NCALD: variants seen among roughly 807,000 people sequenced by gnomAD.
NCALD encodes the protein neurocalcin delta.
In NCALD, 10 loss-of-function variants were observed where a neutral mutation model predicts 18.6. The observed-to-expected ratio is 0.54, with a 90% CI of 0.33 to 0.91. NCALD has a LOEUF of 0.91. NCALD is among the 40% of genes least tolerant of loss of function. NCALD has a pLI of 0.03. For missense variants in NCALD, 184 were observed against 247.6 expected (o/e 0.74, Z 1.72); for synonymous variants, 88 against 87.4 (o/e 1.01, Z -0.04).
chr8:102,037,052 C>A (rs958866772), intron 1 of NCALD, among the ~76,000 whole-genome samples: 12 of 152,054 alleles, frequency 7.9e-5, no homozygotes, highest in African/African-American at 2.7e-4. Flanking sequence ...ATTGGGAACA[C>A]CTAAATATCA....
chr8:101,988,902 G>GA (rs35196499), intron 2 of NCALD, among the ~76,000 whole-genome samples: 4,746 of 66,046 alleles, frequency 0.072, 386 homozygotes, highest in African/African-American at 0.12. Flanking sequence ...GGTGCCAGCA[G>GA]AAAAAAAAAA....
chr8:101,982,330 C>T (rs1321179564), intron 2 of NCALD, among the ~76,000 whole-genome samples: 1 of 152,100 alleles, frequency 6.6e-6, no homozygotes, highest in African/African-American at 2.4e-5. Flanking sequence ...TGTCATATAC[C>T]AACTCCTTTT....
chr8:101,974,384 C>T (rs1365010158), intron 2 of NCALD, among the ~76,000 whole-genome samples: 2 of 152,048 alleles, frequency 1.3e-5, no homozygotes, highest in Non-Finnish European at 2.9e-5. Context: ...ATTCTCTATC[C>T]CCAGCTAAAA....
chr8:101,833,887 G>A (rs1425453873), intron 4 of NCALD, among the ~76,000 whole-genome samples: 1 of 152,174 alleles, frequency 6.6e-6, no homozygotes, highest in African/African-American at 2.4e-5. Flanking sequence ...GAAAAACAAC[G>A]GCTCCAAATA....
At chr8:101,718,529 A>G (rs1816194162) in intron 2 of NCALD, among the ~76,000 whole-genome samples, 1 of 152,150 alleles carries the variant, frequency 6.6e-6, no homozygotes, top group Non-Finnish European at 1.5e-5. Context: ...CACGAAGACT[A>G]AATGTTCCTC....
intron 1 of NCALD, among the ~76,000 whole-genome samples, chr8:102,059,853 T>C (rs966262086): frequency 2.0e-5 from 3 of 152,196 alleles, no homozygotes; most frequent in Non-Finnish European, 2.9e-5. Flanking sequence ...TTCTCCAACT[T>C]TGCAGGCATC....
At position 101,918,195 on chromosome 8, in the gene NCALD, T is replaced by C. The variant is rs542123992; in HGVS notation, c.-156-2337A>G. 2.0e-5 allele frequency among the ~76,000 whole-genome samples: 3 copies of C among 152,258 alleles called. No individual in the cohort carries two copies. In the East Asian group the frequency reaches 5.8e-4, roughly 29 times the overall value. ...CATTCAACACATGCAAATCAATAAA[T>C]TTGAGTCACCACATAAACACAATTA... On this transcript the variant is annotated intron_variant, in intron 2 of 6. Transcript: ENST00000311028.
chr8:102,028,850 G>C (rs1415068414), intron 1 of NCALD, among the ~76,000 whole-genome samples: 1 of 152,172 alleles, frequency 6.6e-6, no homozygotes, highest in Non-Finnish European at 1.5e-5. Context: ...GGGGGTACTA[G>C]CCAGACAAGG....
chr8:101,894,532 T>G (rs1228845967), intron 3 of NCALD, among the ~76,000 whole-genome samples: 2 of 141,986 alleles, frequency 1.4e-5, no homozygotes, highest in East Asian at 4.0e-4. Context: ...CTGAAGGAAA[T>G]AGAGACACAA....
chr8:101,742,090 G>GAA (rs35753528), intron 1 of NCALD, among the ~76,000 whole-genome samples: 4 of 147,110 alleles, frequency 2.7e-5, no homozygotes, highest in African/African-American at 1.0e-4. Context: ...TGTCTCTACT[G>GAA]AAAAAAAAAA....
intron 2 of NCALD, chr8:101,986,679 T>G (rs1820825822): frequency 6.6e-6 from 1 of 152,326 alleles, no homozygotes; most frequent in Admixed American, 6.5e-5. Flanking sequence ...GCACTCCTCC[T>G]CACCCAACTC....
intron 1 of NCALD, among the ~76,000 whole-genome samples, chr8:101,748,790 T>C (rs1400321398): frequency 6.6e-6 from 1 of 152,188 alleles, no homozygotes; most frequent in Non-Finnish European, 1.5e-5. Context: ...ACCACAGAAC[T>C]CTCGTTCTAA....
chr8:101,842,929 G>A lies in NCALD; in HGVS notation c.-20+44212C>T, dbSNP rs558558409. 2.6e-5 allele frequency among the ~76,000 whole-genome samples: 4 copies of A among 152,248 alleles called. No individual in the cohort carries two copies. In the East Asian group the frequency reaches 7.7e-4, roughly 29 times the overall value. ...TAGGAGGTGGTTGGGGGGAAGATGA[G>A]AAGAGAAAAAGAAAGTTATCTGTAT... On this transcript the variant is annotated intron_variant, in intron 4 of 6. Transcript: ENST00000311028.
chr8:101,983,090 C>T (rs1490238287), intron 2 of NCALD, among the ~76,000 whole-genome samples: 1 of 152,152 alleles, frequency 6.6e-6, no homozygotes, highest in Non-Finnish European at 1.5e-5. Context: ...CTACCAGATA[C>T]ATATGCTTCT....
chr8:101,989,369 C>T (rs373829793), intron 2 of NCALD, among the ~76,000 whole-genome samples: 1 of 152,148 alleles, frequency 6.6e-6, no homozygotes. Context: ...TAATGCACTA[C>T]TAATTCATCC....
At chr8:102,000,450 G>C (rs1459183522) in intron 2 of NCALD, among the ~76,000 whole-genome samples, 1 of 152,196 alleles carries the variant, frequency 6.6e-6, no homozygotes, top group Non-Finnish European at 1.5e-5. Flanking sequence ...TCCACTTCTG[G>C]GGGTGGGGCA....
rs894397303 is a variant in NCALD, at chr8:101,953,075, C to T, written c.-156-37217G>A. Among the ~76,000 whole-genome samples, 7 of 152,162 alleles carry T rather than the reference C, an allele frequency of 4.6e-5. No homozygotes were observed. In the East Asian group the frequency reaches 7.7e-4, roughly 17 times the overall value. The stretch of plus-strand genomic sequence containing the variant: ...AGATTTCTCACAGGAATGCTTCTGG[C>T]GCTGGCCCAAGACTCCAGTCTCTCA... On this transcript the variant is annotated intron_variant, in intron 2 of 6. Transcript: ENST00000311028.
At chr8:101,846,750 T>A (rs1408156028) in intron 4 of NCALD, among the ~76,000 whole-genome samples, 2 of 152,216 alleles carry the variant, frequency 1.3e-5, no homozygotes, top group Non-Finnish European at 2.9e-5. Context: ...TACAGATCAC[T>A]GACTCCACCT....
intron 2 of NCALD, among the ~76,000 whole-genome samples, chr8:101,973,099 T>TC (rs1217155873): frequency 9.5e-4 from 145 of 152,222 alleles, no homozygotes; most frequent in Middle Eastern, 3.4e-3. Context: ...GGGCCAGCAC[T>TC]CTAACAAGGA....
Sources: gnomAD v4.1 joint callset for allele counts (sites outside exome capture counted in the v4.1 genomes callset) on GRCh38, gnomAD v4.1.1 for gene constraint, MANE v1.5 for transcripts, NCBI Gene and HGNC (gene_info 2026-07-23, HGNC 2026-07-21) for gene names.